ABLIM3: variants seen among roughly 807,000 people sequenced by gnomAD.
The protein encoded by ABLIM3 is actin-binding LIM protein 3.
ABLIM3 carries 61 observed loss-of-function variants against 109.5 expected under a neutral mutation model. The observed-to-expected ratio is 0.56, with a 90% CI of 0.45 to 0.69. ABLIM3 has a LOEUF of 0.69. ABLIM3 is among the 30% of genes least tolerant of loss of function. ABLIM3 has a pLI of 0.00. For synonymous variants in ABLIM3, 300 were observed against 324.8 expected, an observed-to-expected ratio of 0.92 and a Z score of 0.82; for missense variants, 796 against 889.5, an observed-to-expected ratio of 0.89 and a Z score of 1.34.
chr5:149,164,044 C>A (rs1045055758), intron 2 of ABLIM3: 6 of 152,036 alleles, frequency 3.9e-5, no homozygotes, highest in Admixed American at 1.3e-4. Flanking sequence ...TATTGCCCAC[C>A]CCCCTAAAGC....
chr5:149,173,152 G>T (rs759546690), intron 2 of ABLIM3, among the ~76,000 whole-genome samples: 9 of 152,228 alleles, frequency 5.9e-5, no homozygotes, highest in Non-Finnish European at 8.8e-5. Context: ...TGGGGAATGG[G>T]GCCCTGGCCA....
intron 15 of ABLIM3, chr5:149,244,670 CT>C (rs1753178015): frequency 1.7e-6 from 1 of 600,196 alleles, no homozygotes; most frequent in Admixed American, 2.9e-5. Context: ...CCCTTCCCCT[CT>C]CTGGTGCTCC....
Position 149,198,914 on chromosome 5 carries a change from C to T in ABLIM3, c.335+512C>T. On this transcript the variant is annotated intron_variant, in intron 4 of 23. Coordinates refer to ENST00000309868, the MANE Select transcript of ABLIM3 (RefSeq NM_014945.5). The surrounding 1 kb of genome is among the most constrained non-coding windows in gnomAD (Gnocchi z 4.2). ...AAAATGGAGGTCAAAGCCATTCCAA[C>T]CTCATTGGGTTTTCTCGAAGATCAA... 2.6e-6 allele frequency: 1 copy of T among 384,004 alleles called. No individual in the cohort carries two copies. The highest frequency in any genetic ancestry group is 2.9e-5 in the Admixed American group (1 of 34,484). The allele number at this position is 384,004 out of a possible 1,614,324, so 23.8% of individuals were successfully genotyped here. A position where few individuals can be genotyped will look rare whatever the true frequency, so the allele number is the denominator to read the frequency against.
chr5:149,209,420 A>T (rs1452461908), intron 6 of ABLIM3, among the ~76,000 whole-genome samples: 1 of 152,222 alleles, frequency 6.6e-6, no homozygotes, highest in Non-Finnish European at 1.5e-5. Flanking sequence ...TCAGAGTCTC[A>T]GTTTCCTCAT....
rs200399475 is a variant in ABLIM3, at chr5:149,252,218, G to A, written c.1857+10G>A. 62 of 1,613,492 alleles carry A rather than the reference G, an allele frequency of 3.8e-5. No homozygotes were observed. In the African/African-American group the frequency reaches 7.1e-4, roughly 18 times the overall value. On this transcript the variant is annotated intron_variant, in intron 22 of 23. Transcript: ENST00000309868. ...CTCTGCAGAGTACAAGGTAAAGGAT[G>A]TGCATAGACCCTGGGGGTCTCCAGG... is the stretch of plus-strand genomic sequence containing the variant.
At chr5:149,145,111 ATAGT>A (rs763376377) in intron 2 of ABLIM3, among the ~76,000 whole-genome samples, 1 of 152,258 alleles carries the variant, frequency 6.6e-6, no homozygotes, top group Non-Finnish European at 1.5e-5. Context: ...ATAGTACCCA[ATAGT>A]TAGTTTTTCA....
chr5:149,213,487 T>G (rs924608839), intron 7 of ABLIM3, among the ~76,000 whole-genome samples: 2 of 152,182 alleles, frequency 1.3e-5, no homozygotes, highest in African/African-American at 4.8e-5. Context: ...AAGGTCACCT[T>G]CAGAAGAGTC....
intron 2 of ABLIM3, among the ~76,000 whole-genome samples, chr5:149,165,936 C>G (rs989373677): frequency 2.0e-5 from 3 of 152,202 alleles, no homozygotes; most frequent in African/African-American, 7.2e-5. Flanking sequence ...AAAAACCCCT[C>G]AAAGGGTTGC....
intron 5 of ABLIM3, among the ~76,000 whole-genome samples, chr5:149,200,987 T>A (rs1388501576): frequency 3.3e-5 from 5 of 152,124 alleles, no homozygotes; most frequent in Admixed American, 3.3e-4. Flanking sequence ...CCAGTAAGCT[T>A]CCTGGGTGAT....
chr5:149,254,553 G>A (rs1398710916), intron 23 of ABLIM3, among the ~76,000 whole-genome samples: 4 of 152,186 alleles, frequency 2.6e-5, no homozygotes, highest in Non-Finnish European at 5.9e-5. Flanking sequence ...TTGATGGCGT[G>A]GAATTGGCCC....
chr5:149,210,852 C>T (rs371483335), intron 7 of ABLIM3, 33 bp downstream of exon 7: 1 of 1,595,598 alleles, frequency 6.3e-7, no homozygotes, highest in Non-Finnish European at 8.6e-7. Flanking sequence ...GAAGATGTGG[C>T]AGGGTGATCT....
chr5:149,208,350 GTCTCTC>G (rs10564662), intron 6 of ABLIM3, among the ~76,000 whole-genome samples: 1,984 of 132,236 alleles, frequency 0.015, 31 homozygotes, highest in South Asian at 0.054. Context: ...CTATCTTTTT[GTCTCTC>G]TCTCTCTCTC....
At chr5:149,211,477 C>T (rs1053919897) in intron 7 of ABLIM3, among the ~76,000 whole-genome samples, 1 of 152,162 alleles carries the variant, frequency 6.6e-6, no homozygotes, top group African/African-American at 2.4e-5. Context: ...CAGGGAAGGG[C>T]TCAGTGGAAA....
At chr5:149,230,558 C>T (rs1027644091) in intron 8 of ABLIM3, 91 bp from the exon 9 acceptor site, 15 of 1,398,714 alleles carry the variant, frequency 1.1e-5, no homozygotes, top group Admixed American at 3.4e-5. Context: ...AAGGGACATA[C>T]GCTGACCACG....
intron 5 of ABLIM3, among the ~76,000 whole-genome samples, chr5:149,204,838 G>A (rs1260236939): frequency 3.3e-5 from 5 of 152,164 alleles, no homozygotes; most frequent in African/African-American, 9.7e-5. Flanking sequence ...CCAACTCTCA[G>A]CCCAGCCTCT....
At chr5:149,211,600 T>G (rs1226990092) in intron 7 of ABLIM3, among the ~76,000 whole-genome samples, 2 of 152,092 alleles carry the variant, frequency 1.3e-5, no homozygotes, top group African/African-American at 4.8e-5. Context: ...CATATGACAA[T>G]AGCTAGAGGA....
At chr5:149,221,367 C>G (rs1760634830) in intron 8 of ABLIM3, among the ~76,000 whole-genome samples, 1 of 152,164 alleles carries the variant, frequency 6.6e-6, no homozygotes, top group South Asian at 2.1e-4. Context: ...TGTTGGGATG[C>G]CTGCAAAGCT....
intron 23 of ABLIM3, among the ~76,000 whole-genome samples, chr5:149,254,153 G>C (rs1054932422): frequency 5.3e-5 from 8 of 152,104 alleles, no homozygotes; most frequent in African/African-American, 1.9e-4. Flanking sequence ...ACAATTCAGG[G>C]TGAGATTTGG....
rs1027774039 is a variant in ABLIM3 at position 149,153,177 on chromosome 5, T to C, written c.13+11069T>C. Reference sequence around the variant, plus strand: ...ATTCCCAAGGCACTTCAAAATTTAATAAATTTACTCTCTTAAGAAAACAAA... The same window carrying C: ...ATTCCCAAGGCACTTCAAAATTTAACAAATTTACTCTCTTAAGAAAACAAA... On this transcript the variant is annotated intron_variant, in intron 2 of 23. Transcript: ENST00000309868. Among the ~76,000 whole-genome samples, 8 of 152,256 alleles carry C rather than the reference T, an allele frequency of 5.3e-5. No individual in the cohort carries two copies. The East Asian group carries it at 1.5e-3, about 29-fold the overall frequency.
Sources: gnomAD v4.1 joint callset for allele counts (sites outside exome capture counted in the v4.1 genomes callset) on GRCh38, gnomAD v4.1.1 for gene constraint, Gnocchi (gnomAD v3.1) non-coding constraint, MANE v1.5 for transcripts, NCBI Gene and HGNC (gene_info 2026-07-23, HGNC 2026-07-21) for gene names.